ASIC2: variants seen among roughly 807,000 people sequenced by gnomAD.
The protein encoded by ASIC2 is acid sensing ion channel subunit 2, also known as acid-sensing ion channel 2.
ASIC2 carries 25 observed loss-of-function variants against 57.3 expected under a neutral mutation model. The observed-to-expected ratio is 0.44, with a 90% CI of 0.32 to 0.61. The LOEUF (loss-of-function observed/expected upper bound fraction) is 0.61, where lower values mean the gene tolerates loss of function less well. Ranked by LOEUF, ASIC2 falls within the 20% of genes least tolerant of loss-of-function variation. The probability of loss-of-function intolerance (pLI) is 0.06; values close to 1 mark genes in which losing one functional copy is unlikely to be tolerated. For missense variants in ASIC2, 641 were observed against 738.1 expected, an observed-to-expected ratio of 0.87 and a Z score of 1.52; for synonymous variants, 319 against 307.5, an observed-to-expected ratio of 1.04 and a Z score of -0.39.
intron 1 of ASIC2, among the ~76,000 whole-genome samples, chr17:33,742,890 C>T (rs563854824): frequency 1.6e-4 from 24 of 152,184 alleles, no homozygotes; most frequent in South Asian, 4.1e-4. Context: ...TGGGCCTGGC[C>T]GAGATAAACA....
chr17:34,144,724 G>A (rs1912370530), intron 1 of ASIC2, among the ~76,000 whole-genome samples: 2 of 152,230 alleles, frequency 1.3e-5, no homozygotes, highest in African/African-American at 2.4e-5. Context: ...CACCTGTCTG[G>A]CACTAAATTC....
At chr17:33,331,906 T>C (rs1907327949) in intron 1 of ASIC2, among the ~76,000 whole-genome samples, 1 of 152,218 alleles carries the variant, frequency 6.6e-6, no homozygotes, top group African/African-American at 2.4e-5. Context: ...TTTCTTAACA[T>C]TGACTGCACA....
At chr17:33,162,329 G>A (rs558746011) in intron 1 of ASIC2, among the ~76,000 whole-genome samples, 28 of 152,282 alleles carry the variant, frequency 1.8e-4, no homozygotes, top group Non-Finnish European at 3.7e-4. Context: ...TTGTTTCAGC[G>A]TTTTGGGCCA....
chr17:33,740,988 G>A (rs888819551), intron 1 of ASIC2, among the ~76,000 whole-genome samples: 2 of 152,092 alleles, frequency 1.3e-5, no homozygotes, highest in Non-Finnish European at 2.9e-5. Flanking sequence ...AGACTCTCTC[G>A]GCTATTACCT....
intron 1 of ASIC2, among the ~76,000 whole-genome samples, chr17:33,312,908 G>A (rs1266860677): frequency 6.6e-6 from 1 of 152,174 alleles, no homozygotes; most frequent in East Asian, 1.9e-4. Flanking sequence ...TGCACTCCAG[G>A]CTGTGCAATA....
chr17:33,377,388 A>G (rs2141943358), intron 1 of ASIC2, among the ~76,000 whole-genome samples: 1 of 152,336 alleles, frequency 6.6e-6, no homozygotes, highest in Admixed American at 6.5e-5. Context: ...GCTGGAGAAT[A>G]CTTCTTACAA....
At chr17:33,196,445 G>A (rs371072090) in intron 1 of ASIC2, among the ~76,000 whole-genome samples, 23 of 152,050 alleles carry the variant, frequency 1.5e-4, no homozygotes, top group African/African-American at 4.8e-4. Context: ...CCTGTGAGGC[G>A]TCCTTGCAGT....
At chr17:33,274,786 G>A (rs1300112267) in intron 1 of ASIC2, among the ~76,000 whole-genome samples, 1 of 152,176 alleles carries the variant, frequency 6.6e-6, no homozygotes, top group Admixed American at 6.5e-5. Flanking sequence ...TTTCTGGATG[G>A]GCACTAGAGG....
intron 1 of ASIC2, among the ~76,000 whole-genome samples, chr17:33,420,017 T>A (rs1371366192): frequency 6.6e-6 from 1 of 152,206 alleles, no homozygotes; most frequent in Admixed American, 6.5e-5. Flanking sequence ...GGAGTGGTGA[T>A]GAGGGAATAA....
chr17:33,361,400 T>A (rs540021086), intron 1 of ASIC2, among the ~76,000 whole-genome samples: 2 of 152,074 alleles, frequency 1.3e-5, no homozygotes, highest in Non-Finnish European at 2.9e-5. Flanking sequence ...TGGTGAGAGG[T>A]GGAGCTGTGG....
intron 1 of ASIC2, among the ~76,000 whole-genome samples, chr17:33,705,625 G>T (rs907590200): frequency 1.3e-5 from 2 of 152,098 alleles, no homozygotes; most frequent in African/African-American, 4.8e-5. Context: ...AGAATGATGT[G>T]GTCACAAGCC....
intron 1 of ASIC2, among the ~76,000 whole-genome samples, chr17:33,866,428 C>A (rs1597908232): frequency 6.6e-6 from 1 of 152,014 alleles, no homozygotes; most frequent in East Asian, 1.9e-4. Flanking sequence ...TTGTTTTCAA[C>A]CCCCCACATA....
intron 1 of ASIC2, among the ~76,000 whole-genome samples, chr17:33,269,542 G>A (rs1904360453): frequency 6.6e-6 from 1 of 152,250 alleles, no homozygotes; most frequent in South Asian, 2.1e-4. Flanking sequence ...CAGGCCCCCA[G>A]GAAGCCAGCT....
chr17:33,559,500 G>A (rs145195278), intron 1 of ASIC2, among the ~76,000 whole-genome samples: 1 of 151,960 alleles, frequency 6.6e-6, no homozygotes, highest in Non-Finnish European at 1.5e-5. Context: ...TTTTTCAAAG[G>A]TCGTGGTCTT....
intron 1 of ASIC2, among the ~76,000 whole-genome samples, chr17:33,777,801 T>C (rs1911329793): frequency 6.6e-6 from 1 of 152,224 alleles, no homozygotes; most frequent in Non-Finnish European, 1.5e-5. Flanking sequence ...TGTGCGGTTA[T>C]TATCGTAACA....
intron 1 of ASIC2, among the ~76,000 whole-genome samples, chr17:33,391,134 CT>C (rs1909873773): frequency 6.6e-6 from 1 of 152,202 alleles, no homozygotes; most frequent in Non-Finnish European, 1.5e-5. Context: ...CTGAAATGGA[CT>C]TTAGAAGTTA....
intron 1 of ASIC2, among the ~76,000 whole-genome samples, chr17:33,803,691 C>T (rs1044354393): frequency 1.3e-5 from 2 of 150,550 alleles, no homozygotes; most frequent in Non-Finnish European, 1.5e-5. Context: ...ACCCACAAAA[C>T]CCATATTTTC....
At chr17:33,366,625 A>G (rs563642769) in intron 1 of ASIC2, among the ~76,000 whole-genome samples, 14 of 152,276 alleles carry the variant, frequency 9.2e-5, no homozygotes, top group African/African-American at 3.4e-4. Flanking sequence ...ACCCTCACTA[A>G]ACTATTTGTT....
chr17:33,613,039 A>G (rs1905463640), intron 1 of ASIC2, among the ~76,000 whole-genome samples: 1 of 152,224 alleles, frequency 6.6e-6, no homozygotes, highest in Non-Finnish European at 1.5e-5. Flanking sequence ...CTTGGCTCCA[A>G]GGAGGGAGAG....
Sources: allele counts gnomAD v4.1 joint callset (sites outside exome capture counted in the v4.1 genomes callset), GRCh38; gene constraint gnomAD v4.1.1; transcripts MANE v1.5; gene names NCBI Gene and HGNC (gene_info 2026-07-23, HGNC 2026-07-21).